Variants in WWOX observed in about 807,000 individuals in gnomAD.
The protein encoded by WWOX is WW domain-containing oxidoreductase.
WWOX carries 69 observed loss-of-function variants against 46.2 expected under a neutral mutation model. That is an observed-to-expected ratio of 1.49 (90% CI 1.23 to 1.82). The LOEUF is 1.82. Ranked by LOEUF, WWOX falls within the 40% of genes most tolerant of loss-of-function variation. WWOX has a pLI of 0.00. For missense variants in WWOX, 919 were observed against 542.6 expected, an observed-to-expected ratio of 1.69 and a Z score of -6.89; for synonymous variants, 359 against 202.6, an observed-to-expected ratio of 1.77 and a Z score of -6.56.
intron 8 of WWOX, among the ~76,000 whole-genome samples, chr16:78,822,694 C>G (rs555656686): frequency 6.6e-6 from 1 of 152,210 alleles, no homozygotes; most frequent in South Asian, 2.1e-4. Context: ...TGGGTGAAAG[C>G]TTTTTATGCA....
chr16:78,204,219 G>GC (rs2036321095), intron 5 of WWOX, among the ~76,000 whole-genome samples: 1 of 152,102 alleles, frequency 6.6e-6, no homozygotes, highest in Non-Finnish European at 1.5e-5. Flanking sequence ...AGACCCTCCA[G>GC]CCTTTTTTTG....
intron 8 of WWOX, among the ~76,000 whole-genome samples, chr16:78,481,764 T>TGTGTGTGTGCGC (rs149940474): frequency 1.0e-4 from 15 of 148,034 alleles, no homozygotes; most frequent in Non-Finnish European, 1.9e-4. Flanking sequence ...TGTGTGTGTG[T>TGTGTGTGTGCGC]GCGCGCGCCT....
chr16:78,727,148 C>G (rs2048854813), intron 8 of WWOX, among the ~76,000 whole-genome samples: 2 of 152,150 alleles, frequency 1.3e-5, no homozygotes. Flanking sequence ...CCTATAATGC[C>G]AGCACTTTGG....
intron 8 of WWOX, among the ~76,000 whole-genome samples, chr16:79,170,496 A>T (rs1205364058): frequency 1.3e-5 from 2 of 152,202 alleles, no homozygotes; most frequent in African/African-American, 4.8e-5. Context: ...CACTCTCATA[A>T]ATCAATGAGT....
rs1000419769 is a variant in WWOX, at chr16:78,508,665, G to A, written c.1056+75913G>A. ...TGATAAGTAGTTGAAAGCTGATGGT[G>A]CCCTCCATTTCAAAGCAACAGAAGA... is the stretch of plus-strand genomic sequence containing the variant. On this transcript the variant is annotated intron_variant, in intron 8 of 8. Coordinates refer to ENST00000566780, the MANE Select transcript of WWOX (RefSeq NM_016373.4). Among the ~76,000 whole-genome samples the A allele has an allele frequency of 3.3e-5, 5 of 152,296 alleles. No individual in the cohort carries two copies. In the East Asian group the frequency reaches 7.7e-4, roughly 24 times the overall value.
chr16:78,428,221 A>G (rs900120447), intron 7 of WWOX, among the ~76,000 whole-genome samples: 1 of 152,228 alleles, frequency 6.6e-6, no homozygotes, highest in Admixed American at 6.5e-5. Context: ...CTATTAAGAC[A>G]TAATTGTTTG....
chr16:79,199,987 A>G (rs1394575955), intron 8 of WWOX, among the ~76,000 whole-genome samples: 5 of 152,116 alleles, frequency 3.3e-5, no homozygotes, highest in East Asian at 1.9e-4. Context: ...GAGAGTTCCA[A>G]TTGCAACTGG....
chr16:78,791,745 T>G (rs1441340268), intron 8 of WWOX, among the ~76,000 whole-genome samples: 1 of 151,994 alleles, frequency 6.6e-6, no homozygotes, highest in Non-Finnish European at 1.5e-5. Flanking sequence ...TGGGATTTGG[T>G]GGCGCCTGCC....
chr16:78,883,104 A>T (rs2044378528), intron 8 of WWOX, among the ~76,000 whole-genome samples: 2 of 152,196 alleles, frequency 1.3e-5, no homozygotes, highest in South Asian at 4.1e-4. Flanking sequence ...AAGGGTAGAT[A>T]TTCAGGAAGA....
At chr16:78,692,288 G>A (rs1029539930) in intron 8 of WWOX, among the ~76,000 whole-genome samples, 1 of 152,162 alleles carries the variant, frequency 6.6e-6, no homozygotes, top group African/African-American at 2.4e-5. Context: ...AACAACTTTT[G>A]TTTTCCAATT....
chr16:78,261,274 G>GATAC (rs201936637), intron 5 of WWOX, among the ~76,000 whole-genome samples: 28,920 of 146,912 alleles, frequency 0.2, 3,388 homozygotes, highest in East Asian at 0.3. Flanking sequence ...TAGATAGATA[G>GATAC]ATAGATAGAT....
At chr16:78,358,866 CTTT>C (rs57364873) in intron 5 of WWOX, among the ~76,000 whole-genome samples, 1 of 120,966 alleles carries the variant, frequency 8.3e-6, no homozygotes, top group Non-Finnish European at 1.7e-5. Context: ...ACACTGTGGT[CTTT>C]TTTTTTTTTT....
At chr16:78,355,236 C>T in intron 5 of WWOX, among the ~76,000 whole-genome samples, 1 of 151,624 alleles carries the variant, frequency 6.6e-6, no homozygotes, top group East Asian at 1.9e-4. Flanking sequence ...GTCATTGCTC[C>T]TGTGTGTGTG....
Position 78,294,111 on chromosome 16 carries a change from C to T in WWOX, c.517-92749C>T, listed in dbSNP as rs568864781. Among the ~76,000 whole-genome samples, 5 of 151,186 alleles carry T rather than the reference C, an allele frequency of 3.3e-5. No homozygotes were observed. The South Asian group carries it at 6.3e-4, about 19-fold the overall frequency. On this transcript the variant is annotated intron_variant, in intron 5 of 8. Transcript: ENST00000566780. Reference sequence around the variant, plus strand: ...GCTGTGCCTTCTGCCCATTTGTCCTCTGCTGCTGGTCCCTGGGTGGGACAG... The same window carrying T: ...GCTGTGCCTTCTGCCCATTTGTCCTTTGCTGCTGGTCCCTGGGTGGGACAG...
chr16:78,109,660 C>T, intron 2 of WWOX, 118 bp from the exon 3 acceptor site: 2 of 966,298 alleles, frequency 2.1e-6, no homozygotes, highest in Non-Finnish European at 3.2e-6. Flanking sequence ...GATGTGACAA[C>T]TGCTGGGTGG....
chr16:79,156,281 C>T (rs2050379802), intron 8 of WWOX, among the ~76,000 whole-genome samples: 1 of 152,194 alleles, frequency 6.6e-6, no homozygotes, highest in African/African-American at 2.4e-5. Context: ...CCCACGTCAA[C>T]CTCCAGAATA....
intron 8 of WWOX, among the ~76,000 whole-genome samples, chr16:78,665,536 A>G (rs1329005600): frequency 2.6e-5 from 4 of 152,064 alleles, no homozygotes; most frequent in Non-Finnish European, 5.9e-5. Flanking sequence ...ACTTTAACAG[A>G]TTCCAGCCTG....
intron 5 of WWOX, among the ~76,000 whole-genome samples, chr16:78,330,237 T>C (rs1164414809): frequency 2.0e-5 from 3 of 152,164 alleles, no homozygotes; most frequent in African/African-American, 7.2e-5. Context: ...ACTATAAATA[T>C]CCTTAATGCC....
intron 8 of WWOX, among the ~76,000 whole-genome samples, chr16:78,539,428 G>T (rs2043835177): frequency 6.6e-6 from 1 of 152,322 alleles, no homozygotes; most frequent in East Asian, 1.9e-4. Context: ...AGGGGGAGAG[G>T]TTAGAGTAGA....
Sources: allele counts gnomAD v4.1 joint callset (sites outside exome capture counted in the v4.1 genomes callset), GRCh38; gene constraint gnomAD v4.1.1; transcripts MANE v1.5; gene names NCBI Gene and HGNC (gene_info 2026-07-23, HGNC 2026-07-21).